CNTNAP5: variants seen among roughly 807,000 people sequenced by gnomAD.
CNTNAP5 encodes contactin associated protein family member 5.
A neutral mutation model predicts 150.2 loss-of-function variants in CNTNAP5; 72 were observed. The ratio of observed to expected loss-of-function variants is 0.48; its 90% confidence interval spans 0.40 to 0.58. The LOEUF (loss-of-function observed/expected upper bound fraction) is 0.58, where lower values mean the gene tolerates loss of function less well. CNTNAP5 is among the 20% of genes least tolerant of loss of function. The pLI is 0.00. For synonymous variants in CNTNAP5, 672 were observed against 619.8 expected, an observed-to-expected ratio of 1.08 and a Z score of -1.25; for missense variants, 1,636 against 1,626.2, an observed-to-expected ratio of 1.01 and a Z score of -0.10.
intron 22 of CNTNAP5, among the ~76,000 whole-genome samples, chr2:124,904,775 G>A (rs945269008): frequency 6.6e-6 from 1 of 151,952 alleles, no homozygotes; most frequent in Non-Finnish European, 1.5e-5. Context: ...TAAACTCCAG[G>A]AAGGGAACAT....
intron 8 of CNTNAP5, among the ~76,000 whole-genome samples, chr2:124,510,126 T>A (rs973824196): frequency 1.3e-5 from 2 of 151,604 alleles, no homozygotes; most frequent in Admixed American, 1.3e-4. Context: ...GAGAATCACT[T>A]GAACCCAGGA....
At chr2:124,171,882 G>C (rs1456330695) in intron 1 of CNTNAP5, among the ~76,000 whole-genome samples, 1 of 152,174 alleles carries the variant, frequency 6.6e-6, no homozygotes, top group Non-Finnish European at 1.5e-5. Flanking sequence ...CTTTCGGCCA[G>C]CTTATTAGCT....
intron 19 of CNTNAP5, among the ~76,000 whole-genome samples, chr2:124,838,543 A>G (rs1364111319): frequency 6.6e-6 from 1 of 152,186 alleles, no homozygotes; most frequent in Non-Finnish European, 1.5e-5. Context: ...GTGATCTGGG[A>G]AGAAGTAATC....
chr2:124,187,450 A>C (rs1685361020), intron 1 of CNTNAP5, among the ~76,000 whole-genome samples: 1 of 152,238 alleles, frequency 6.6e-6, no homozygotes, highest in African/African-American at 2.4e-5. Context: ...AGAGTTAAAT[A>C]ATAAATAAAA....
At chr2:124,500,283 G>T (rs1253615301) in intron 7 of CNTNAP5, among the ~76,000 whole-genome samples, 1 of 152,136 alleles carries the variant, frequency 6.6e-6, no homozygotes, top group Non-Finnish European at 1.5e-5. Flanking sequence ...GGTCTCTAGA[G>T]AAGTGTTGAA....
Position 124,349,874 on chromosome 2 carries a change from C to CTTTTTTTTTTTTT in CNTNAP5, c.382-67553_382-67541dup, listed in dbSNP as rs70996061. On this transcript the variant is annotated intron_variant, in intron 3 of 23. Transcript: ENST00000682447. ...GTTTTGAAATGACTTCTGGCTATTT[C>CTTTTTTTTTTTTT]TTTTTTTTTTTTTTTTTTTTTTTTT... Among the ~76,000 whole-genome samples the CTTTTTTTTTTTTT allele has an allele frequency of 5.9e-3, 484 of 81,796 alleles. 80 individuals carry two copies. Among genetic ancestry groups the CTTTTTTTTTTTTT allele is most frequent in the Non-Finnish European group, 7.5e-3 (347 of 46,190 alleles). The allele number at this position is 81,796 out of a possible 152,430, so 53.7% of individuals were successfully genotyped here. A position where few individuals can be genotyped will look rare whatever the true frequency, so the allele number is the denominator to read the frequency against.
intron 12 of CNTNAP5, among the ~76,000 whole-genome samples, chr2:124,621,775 A>G (rs1016334961): frequency 3.9e-5 from 6 of 152,096 alleles, no homozygotes; most frequent in Non-Finnish European, 8.8e-5. Flanking sequence ...ATAAAATGGG[A>G]CCACTGGTTA....
intron 1 of CNTNAP5, among the ~76,000 whole-genome samples, chr2:124,049,674 G>A (rs544893610): frequency 8.5e-5 from 13 of 152,212 alleles, no homozygotes; most frequent in South Asian, 6.2e-4. Flanking sequence ...TACCTACCCC[G>A]ATGATTAAGG....
intron 14 of CNTNAP5, among the ~76,000 whole-genome samples, chr2:124,754,153 A>T (rs1315803548): frequency 6.6e-6 from 1 of 152,120 alleles, no homozygotes; most frequent in Non-Finnish European, 1.5e-5. Flanking sequence ...GGCTCCATGC[A>T]TTAAGGGCGC....
At chr2:124,126,239 C>T (rs969868662) in intron 1 of CNTNAP5, among the ~76,000 whole-genome samples, 1 of 152,046 alleles carries the variant, frequency 6.6e-6, no homozygotes, top group African/African-American at 2.4e-5. Context: ...GGGATATCAC[C>T]ACTGATCCCA....
In CNTNAP5 at chr2:124,790,112, C is replaced by A; in HGVS notation, c.2963C>A (p.Ser988Ter). Residue 988 changes from serine (S) to a stop codon, truncating the protein, a stop_gained, in exon 18 of 24, where the codon TCA becomes TAA. Coordinates refer to ENST00000682447, the MANE Select transcript of CNTNAP5 (RefSeq NM_001367498.1). LOFTEE classifies it high-confidence loss of function. ...HNGYLCDCTN[S>*]PYEGPFCKKE... ...GGCTACCTGTGTGATTGCACCAATT[C>A]ACCTTATGAAGGGCCCTTTTGCAAA... 6.2e-7 allele frequency: 1 copy of A among 1,613,866 alleles called. No individual in the cohort carries two copies. Among genetic ancestry groups the A allele is most frequent in the Non-Finnish European group, 8.5e-7 (1 of 1,179,830 alleles).
At chr2:124,077,919 A>G (rs907378936) in intron 1 of CNTNAP5, among the ~76,000 whole-genome samples, 2 of 152,242 alleles carry the variant, frequency 1.3e-5, no homozygotes, top group Admixed American at 1.3e-4. Flanking sequence ...CAATGAGGGC[A>G]TATGGACATG....
intron 1 of CNTNAP5, among the ~76,000 whole-genome samples, chr2:124,031,756 T>A (rs10168373): frequency 0.018 from 2,725 of 152,274 alleles, 83 homozygotes; most frequent in African/African-American, 0.06. Flanking sequence ...CACATTGCTA[T>A]AAAAACTATT....
At chr2:124,295,661 C>T (rs1369875473) in intron 3 of CNTNAP5, among the ~76,000 whole-genome samples, 2 of 152,156 alleles carry the variant, frequency 1.3e-5, no homozygotes, top group Admixed American at 1.3e-4. Flanking sequence ...AGTAAAGGAA[C>T]AAAAGAACGG....
rs1385539892 is a variant in CNTNAP5 at position 124,920,585 on chromosome 2, G to A, written c.*6297G>A. Among the ~76,000 whole-genome samples the A allele has an allele frequency of 6.6e-6, 1 of 152,118 alleles. No individual in the cohort carries two copies. The highest frequency in any genetic ancestry group is 2.4e-5 in the African/African-American group (1 of 41,438). ...CAAAGACCAAGAATTTTCTCTTTCTGAATCTGGCAGTTGACAGGCCTCCTG... is the reference window on the plus strand; with the variant it reads ...CAAAGACCAAGAATTTTCTCTTTCTAAATCTGGCAGTTGACAGGCCTCCTG... On this transcript the variant is annotated 3_prime_UTR_variant, in exon 24 of 24. Coordinates refer to ENST00000682447, the MANE Select transcript of CNTNAP5 (RefSeq NM_001367498.1).
rs550213356 is a variant in CNTNAP5, at chr2:124,453,915, T to TA, written c.918+6987dup. On this transcript the variant is annotated intron_variant, in intron 6 of 23. Coordinates refer to ENST00000682447, the MANE Select transcript of CNTNAP5 (RefSeq NM_001367498.1). ...TCTTGAAACAAATCCTGGAAACACA[T>TA]AAAAAAAAAGAGCCTCTTTAAAGCA... 4.9e-3 allele frequency among the ~76,000 whole-genome samples: 724 copies of TA among 148,144 alleles called. 2 individuals carry two copies. Among genetic ancestry groups the TA allele is most frequent in the Non-Finnish European group, 8.0e-3 (536 of 66,788 alleles).
At chr2:124,458,311 A>G (rs2104817870) in intron 6 of CNTNAP5, among the ~76,000 whole-genome samples, 1 of 142,878 alleles carries the variant, frequency 7.0e-6, no homozygotes, top group Non-Finnish European at 1.5e-5. Context: ...ATATATATAT[A>G]TATATAAAAT....
chr2:124,313,650 C>T (rs538316082), intron 3 of CNTNAP5, among the ~76,000 whole-genome samples: 2 of 152,170 alleles, frequency 1.3e-5, no homozygotes, highest in Non-Finnish European at 2.9e-5. Flanking sequence ...CCCTTCCACC[C>T]GTGGTAACTG....
chr2:124,761,804 C>A (rs1680961072), intron 14 of CNTNAP5, among the ~76,000 whole-genome samples: 1 of 152,074 alleles, frequency 6.6e-6, no homozygotes, highest in African/African-American at 2.4e-5. Flanking sequence ...AAACTAAATA[C>A]AATTTCTTTC....
Sources: allele counts gnomAD v4.1 joint callset (sites outside exome capture counted in the v4.1 genomes callset), GRCh38; gene constraint gnomAD v4.1.1; transcripts MANE v1.5; gene names NCBI Gene and HGNC (gene_info 2026-07-23, HGNC 2026-07-21).